Variants in CDH18 observed in about 807,000 individuals in gnomAD.
CDH18 encodes cadherin-18.
Under a neutral mutation model 67.9 loss-of-function variants are expected in CDH18, and 31 were observed. The observed-to-expected ratio is 0.46, with a 90% CI of 0.34 to 0.62. The LOEUF (loss-of-function observed/expected upper bound fraction) is 0.62, where lower values mean the gene tolerates loss of function less well. CDH18 is among the 20% of genes least tolerant of loss of function. The probability of loss-of-function intolerance (pLI) is 0.01; values close to 1 mark genes in which losing one functional copy is unlikely to be tolerated. For synonymous variants in CDH18, 362 were observed against 347.2 expected (o/e 1.04, Z -0.48); for missense variants, 890 against 975.5 (o/e 0.91, Z 1.17).
intron 2 of CDH18, among the ~76,000 whole-genome samples, chr5:20,024,793 A>G (rs1169039223): frequency 6.6e-6 from 1 of 152,166 alleles, no homozygotes; most frequent in Non-Finnish European, 1.5e-5. Context: ...TTTCTCGGGG[A>G]TAAACCAAAA....
chr5:19,797,763 A>G (rs539518370), intron 3 of CDH18, among the ~76,000 whole-genome samples: 1 of 152,164 alleles, frequency 6.6e-6, no homozygotes, highest in Non-Finnish European at 1.5e-5. Flanking sequence ...TCCCAAATCT[A>G]TAGGTTGAAT....
chr5:20,283,647 T>C (rs1746461441), intron 1 of CDH18, among the ~76,000 whole-genome samples: 1 of 152,110 alleles, frequency 6.6e-6, no homozygotes, highest in South Asian at 2.1e-4. Flanking sequence ...TTGTACACGG[T>C]TGGTGGGAAA....
intron 1 of CDH18, among the ~76,000 whole-genome samples, chr5:20,401,119 T>A (rs1745733909): frequency 6.6e-6 from 1 of 152,216 alleles, no homozygotes; most frequent in Non-Finnish European, 1.5e-5. Flanking sequence ...TTGCACAGTG[T>A]TTATTTAGCA....
At chr5:20,563,034 T>C (rs1473130800) in intron 1 of CDH18, among the ~76,000 whole-genome samples, 1 of 151,758 alleles carries the variant, frequency 6.6e-6, no homozygotes, top group Non-Finnish European at 1.5e-5. Context: ...TCTAGATCAT[T>C]TTTTTCCATA....
chr5:19,726,859 C>T (rs921996312), intron 4 of CDH18, among the ~76,000 whole-genome samples: 19 of 151,942 alleles, frequency 1.3e-4, no homozygotes, highest in African/African-American at 4.1e-4. Context: ...TTGCAAATAC[C>T]GTGTGAGAGC....
intron 1 of CDH18, among the ~76,000 whole-genome samples, chr5:20,572,923 T>G (rs1472870588): frequency 6.6e-6 from 1 of 152,130 alleles, no homozygotes; most frequent in Non-Finnish European, 1.5e-5. Flanking sequence ...GATTTCAGAC[T>G]GAGGGTGATG....
At chr5:20,540,593 G>T (rs1756999103) in intron 1 of CDH18, among the ~76,000 whole-genome samples, 1 of 152,106 alleles carries the variant, frequency 6.6e-6, no homozygotes, top group Middle Eastern at 3.2e-3. Context: ...ATAAAGAATG[G>T]GTAGAAACAC....
At chr5:20,516,286 C>T (rs180855593) in intron 1 of CDH18, among the ~76,000 whole-genome samples, 119 of 151,708 alleles carry the variant, frequency 7.8e-4, no homozygotes, top group Middle Eastern at 6.8e-3. Context: ...ACCTTCTAAG[C>T]GCATAGGAGA....
At chr5:20,076,227 G>C (rs1286333464) in intron 2 of CDH18, among the ~76,000 whole-genome samples, 1 of 151,690 alleles carries the variant, frequency 6.6e-6, no homozygotes, top group African/African-American at 2.4e-5. Context: ...CAGGTATATA[G>C]TGTTATATAA....
chr5:19,780,183 C>A (rs927952010), intron 3 of CDH18, among the ~76,000 whole-genome samples: 7 of 152,092 alleles, frequency 4.6e-5, no homozygotes, highest in Admixed American at 4.6e-4. Context: ...CTTTATACAG[C>A]ACCTCCACCT....
intron 2 of CDH18, among the ~76,000 whole-genome samples, chr5:20,134,681 C>T (rs535953278): frequency 2.0e-5 from 3 of 152,184 alleles, no homozygotes; most frequent in African/African-American, 7.2e-5. Context: ...GTTATAGGTA[C>T]ACAAAGTTTA....
chr5:20,376,990 C>G (rs1352156693), intron 1 of CDH18, among the ~76,000 whole-genome samples: 1 of 148,960 alleles, frequency 6.7e-6, no homozygotes. Context: ...GCACCCCAAC[C>G]TGGGTGACAA....
In CDH18 at chr5:19,996,918, T is replaced by G. The variant is rs57387005; in HGVS notation, c.-517-4904A>C. ...TGAATATATGTACACCTGACTAGAT[T>G]TATTCAGAAAATACAAACAGAATAT... On this transcript the variant is annotated intron_variant, in intron 2 of 14. Transcript: ENST00000507958. Among the ~76,000 whole-genome samples the G allele has an allele frequency of 1.7e-3, 255 of 152,094 alleles. 2 individuals carry two copies. Among genetic ancestry groups the G allele is most frequent in the African/African-American group, 5.9e-3 (247 of 41,542 alleles).
Position 19,634,868 on chromosome 5 carries a change from C to T in CDH18, c.644-22267G>A, listed in dbSNP as rs542396572. On this transcript the variant is annotated intron_variant, in intron 5 of 12. Coordinates refer to ENST00000382275, the MANE Select transcript of CDH18 (RefSeq NM_004934.5). Reference sequence around the variant, plus strand: ...AGGAGAATTGCTTGAACCCGGGAGGCGGAGGTTGCAATGAGCAGAGATCAC... The same window carrying T: ...AGGAGAATTGCTTGAACCCGGGAGGTGGAGGTTGCAATGAGCAGAGATCAC... Among the ~76,000 whole-genome samples, 19 of 149,434 alleles carry T rather than the reference C, an allele frequency of 1.3e-4. No homozygotes were observed. The East Asian group carries it at 3.0e-3, about 23-fold the overall frequency.
intron 1 of CDH18, among the ~76,000 whole-genome samples, chr5:20,474,948 ATTAC>A (rs141063686): frequency 0.029 from 4,341 of 152,316 alleles, 109 homozygotes; most frequent in Non-Finnish European, 0.045. Context: ...GCAGAACCAC[ATTAC>A]TTTAAATAGC....
At chr5:20,204,463 AC>A (rs1319310702) in intron 2 of CDH18, among the ~76,000 whole-genome samples, 1 of 152,020 alleles carries the variant, frequency 6.6e-6, no homozygotes, top group Non-Finnish European at 1.5e-5. Flanking sequence ...GAATTAATGA[AC>A]CACAGGACCT....
At chr5:20,304,469 C>A in intron 1 of CDH18, 1 of 1,555,814 alleles carries the variant, frequency 6.4e-7, no homozygotes, top group South Asian at 1.1e-5. Context: ...ACCACTGTCA[C>A]CTTCCGCTTG....
intron 1 of CDH18, among the ~76,000 whole-genome samples, chr5:20,432,523 C>A (rs2150177705): frequency 6.6e-6 from 1 of 152,092 alleles, no homozygotes; most frequent in African/African-American, 2.4e-5. Context: ...AATGCTTTTT[C>A]TTACAGTTTT....
intron 2 of CDH18, among the ~76,000 whole-genome samples, chr5:20,154,079 G>A (rs548291539): frequency 2.2e-4 from 33 of 152,136 alleles, no homozygotes; most frequent in East Asian, 1.9e-4. Context: ...GTAACAGGCC[G>A]TTACATTTAC....
Sources: gnomAD v4.1 joint callset for allele counts (sites outside exome capture counted in the v4.1 genomes callset) on GRCh38, gnomAD v4.1.1 for gene constraint, MANE v1.5 for transcripts, NCBI Gene and HGNC (gene_info 2026-07-23, HGNC 2026-07-21) for gene names.